NAALADL2: variants seen among roughly 807,000 people sequenced by gnomAD.
The protein encoded by NAALADL2 is inactive N-acetylated-alpha-linked acidic dipeptidase-like protein 2.
NAALADL2 carries 76 observed loss-of-function variants against 87.2 expected under a neutral mutation model. The ratio of observed to expected loss-of-function variants is 0.87; its 90% CI spans 0.72 to 1.05. The LOEUF is 1.05. Among genes scored for constraint, NAALADL2 ranks in the 50% least tolerant of loss-of-function variants. NAALADL2 has a pLI of 0.00. For missense variants in NAALADL2, 1,089 were observed against 945.8 expected (o/e 1.15, Z -1.99); for synonymous variants, 354 against 331.0 (o/e 1.07, Z -0.75).
chr3:175,261,180 G>T (rs937844418), intron 4 of NAALADL2, among the ~76,000 whole-genome samples: 2 of 151,900 alleles, frequency 1.3e-5, no homozygotes, highest in Admixed American at 6.6e-5. Flanking sequence ...ACATTAATTC[G>T]TCACAATGTA....
At chr3:175,497,109 T>C (rs962412260) in intron 9 of NAALADL2, among the ~76,000 whole-genome samples, 8 of 152,168 alleles carry the variant, frequency 5.3e-5, no homozygotes, top group Non-Finnish European at 8.8e-5. Flanking sequence ...GTTCTCACTC[T>C]ATTCCCTAGG....
At chr3:175,685,274 C>T (rs1736116223) in intron 11 of NAALADL2, among the ~76,000 whole-genome samples, 1 of 152,156 alleles carries the variant, frequency 6.6e-6, no homozygotes, top group African/African-American at 2.4e-5. Flanking sequence ...CCTCTGACTC[C>T]TAGCATCAAG....
rs186841210 is a variant in NAALADL2 at position 175,405,562 on chromosome 3, A to T, written c.1091-41667A>T. On this transcript the variant is annotated intron_variant, in intron 5 of 13. Transcript: ENST00000454872. The stretch of plus-strand genomic sequence containing the variant: ...ACTTTCTTTTGATAATTTCTTATGC[A>T]TAATTAAATGTGTTAATATTTTCTT... 8.4e-4 allele frequency among the ~76,000 whole-genome samples: 127 copies of T among 150,486 alleles called. 1 individual carries two copies. Among genetic ancestry groups the T allele is most frequent in the Admixed American group, 6.5e-3 (98 of 15,102 alleles).
chr3:175,560,528 G>T (rs1246610966), intron 9 of NAALADL2, among the ~76,000 whole-genome samples: 1 of 151,708 alleles, frequency 6.6e-6, no homozygotes, highest in African/African-American at 2.4e-5. Flanking sequence ...GGTTTGCCTT[G>T]ATCTTTCTTT....
chr3:174,447,006 G>C (rs931553193), intron 1 of NAALADL2, among the ~76,000 whole-genome samples: 1 of 152,026 alleles, frequency 6.6e-6, no homozygotes. Context: ...ATAATAACAA[G>C]GTATCTTCAA....
intron 11 of NAALADL2, among the ~76,000 whole-genome samples, chr3:175,671,620 C>T (rs143662159): frequency 0.014 from 2,176 of 151,960 alleles, 52 homozygotes; most frequent in African/African-American, 0.05. Context: ...CCAAATTGTT[C>T]CAGAGAAGAC....
chr3:175,567,718 C>CTT (rs536353071), intron 9 of NAALADL2, among the ~76,000 whole-genome samples: 8,073 of 138,124 alleles, frequency 0.058, 625 homozygotes, highest in African/African-American at 0.18. Flanking sequence ...TTTTTCTTTT[C>CTT]TTTTTTTTTT....
chr3:174,578,051 G>A (rs768435439), intron 2 of NAALADL2, among the ~76,000 whole-genome samples: 5 of 152,004 alleles, frequency 3.3e-5, no homozygotes, highest in South Asian at 2.1e-4. Context: ...TAATGAAGGC[G>A]AAGAGAAATC....
chr3:175,269,907 T>C (rs2109996743), intron 4 of NAALADL2, among the ~76,000 whole-genome samples: 1 of 152,292 alleles, frequency 6.6e-6, no homozygotes, highest in African/African-American at 2.4e-5. Flanking sequence ...TTTCACATGG[T>C]TCAGAATGAG....
chr3:174,986,365 T>G (rs1745883313), intron 1 of NAALADL2, among the ~76,000 whole-genome samples: 2 of 139,872 alleles, frequency 1.4e-5, no homozygotes, highest in East Asian at 5.6e-4. Flanking sequence ...TATTTTGTTA[T>G]GTTTAGTTGC....
chr3:175,424,041 C>T (rs562008414), intron 5 of NAALADL2, among the ~76,000 whole-genome samples: 27 of 152,142 alleles, frequency 1.8e-4, no homozygotes, highest in African/African-American at 3.9e-4. Context: ...TTTTCATGTG[C>T]CTTTTGGCTG....
At chr3:175,433,181 T>G (rs1718052275) in intron 5 of NAALADL2, among the ~76,000 whole-genome samples, 1 of 152,082 alleles carries the variant, frequency 6.6e-6, no homozygotes, top group African/African-American at 2.4e-5. Flanking sequence ...AACCTGTTCT[T>G]GCTCTGGAAT....
chr3:175,429,489 G>A (rs1426722279), intron 5 of NAALADL2, among the ~76,000 whole-genome samples: 1 of 151,930 alleles, frequency 6.6e-6, no homozygotes, highest in Non-Finnish European at 1.5e-5. Flanking sequence ...CTGGAGGATA[G>A]GAATATGTGT....
chr3:175,797,013 T>C (rs1361489197), intron 13 of NAALADL2, among the ~76,000 whole-genome samples: 1 of 152,098 alleles, frequency 6.6e-6, no homozygotes, highest in Non-Finnish European at 1.5e-5. Flanking sequence ...TAAAGATATT[T>C]CATCTCCTTC....
chr3:175,544,738 C>T (rs1359823335), intron 9 of NAALADL2, among the ~76,000 whole-genome samples: 5 of 151,932 alleles, frequency 3.3e-5, no homozygotes, highest in African/African-American at 4.8e-5. Flanking sequence ...CTTTTTATAC[C>T]GTCTAAGCCC....
intron 5 of NAALADL2, among the ~76,000 whole-genome samples, chr3:175,414,739 T>TG (rs1272178624): frequency 3.9e-5 from 6 of 152,102 alleles, no homozygotes; most frequent in Non-Finnish European, 8.8e-5. Context: ...AGAGCAAACA[T>TG]GAAAGTGGTC....
chr3:174,822,093 G>A lies in NAALADL2; in HGVS notation c.-9+84347G>A, dbSNP rs1721486030. Among the ~76,000 whole-genome samples, 2 of 152,032 alleles carry A rather than the reference G, an allele frequency of 1.3e-5. 1 individual carries two copies. The highest frequency in any genetic ancestry group is 4.8e-5 in the African/African-American group (2 of 41,398). ...GATATCAAAGTCAAATAATGTACAG[G>A]CTAGGTTGACAAAAATAAGTGAGGT... On this transcript the variant is annotated intron_variant, in intron 3 of 3. Coordinates refer to the NAALADL2 transcript ENST00000434257.
chr3:174,653,036 T>C (rs191203958), intron 2 of NAALADL2, among the ~76,000 whole-genome samples: 3 of 152,306 alleles, frequency 2.0e-5, no homozygotes, highest in Admixed American at 2.0e-4. Context: ...CTGTAATGAT[T>C]ACATAAAAAA....
chr3:175,435,702 C>T (rs1269940399), intron 5 of NAALADL2, among the ~76,000 whole-genome samples: 1 of 151,948 alleles, frequency 6.6e-6, no homozygotes, highest in African/African-American at 2.4e-5. Context: ...GTTTATATGT[C>T]TAAACATAAA....
Sources: allele counts gnomAD v4.1 joint callset (sites outside exome capture counted in the v4.1 genomes callset), GRCh38; gene constraint gnomAD v4.1.1; transcripts MANE v1.5; gene names NCBI Gene and HGNC (gene_info 2026-07-23, HGNC 2026-07-21).